The following TCF25 variants were observed in gnomAD, a reference collection of about 807,000 sequenced individuals.
TCF25 encodes the protein TCF25 ribosome quality control complex subunit.
TCF25 carries 41 observed loss-of-function variants against 83.1 expected under a neutral mutation model. The observed-to-expected ratio is 0.49, with a 90% CI of 0.38 to 0.64. The LOEUF is 0.64. Among genes scored for constraint, TCF25 ranks in the 30% least tolerant of loss-of-function variants. The pLI, the probability that TCF25 is intolerant of heterozygous loss-of-function variation, is 0.00. For missense variants in TCF25, 979 were observed against 914.5 expected, an observed-to-expected ratio of 1.07 and a Z score of -0.91; for synonymous variants, 458 against 365.0, an observed-to-expected ratio of 1.25 and a Z score of -2.90.
chr16:89,894,696 C>G (rs981370453), intron 7 of TCF25, among the ~76,000 whole-genome samples: 31 of 152,240 alleles, frequency 2.0e-4, no homozygotes, highest in African/African-American at 7.2e-4. Context: ...CGGAATCTCA[C>G]TCTGTCGCCT....
At chr16:89,908,035 CCACCTCCT>C (rs2045088841) in intron 16 of TCF25, among the ~76,000 whole-genome samples, 1 of 144,572 alleles carries the variant, frequency 6.9e-6, no homozygotes, top group African/African-American at 2.6e-5. Flanking sequence ...TTCCCAGCTC[CCACCTCCT>C]ACCTCCCAGC....
intron 12 of TCF25, chr16:89,901,168 C>T (rs1043692636): frequency 2.7e-5 from 5 of 183,562 alleles, no homozygotes; most frequent in Admixed American, 2.2e-4. Context: ...TGCTCTGCAC[C>T]ATGCTGGGAT....
At chr16:89,883,257 A>G (rs1184397929) in intron 1 of TCF25, 94 bp from the exon 2 acceptor site, 15 of 1,524,494 alleles carry the variant, frequency 9.8e-6, no homozygotes, top group Admixed American at 3.8e-5. Context: ...GGGGGTCCCC[A>G]ACGCAAGCCC....
At chr16:89,899,692 C>T (rs2044165581) in intron 11 of TCF25, among the ~76,000 whole-genome samples, 1 of 151,680 alleles carries the variant, frequency 6.6e-6, no homozygotes, top group Admixed American at 6.6e-5. Context: ...CGCGCCATTG[C>T]ACTCCAGTCT....
chr16:89,892,935 T>TCCTGCG (rs1295990921), intron 6 of TCF25, among the ~76,000 whole-genome samples: 2 of 151,772 alleles, frequency 1.3e-5, no homozygotes, highest in Non-Finnish European at 2.9e-5. Context: ...CGGCCGCTTC[T>TCCTGCG]CCTGCGCCTG....
chr16:89,894,031 C>A, intron 7 of TCF25, 173 bp downstream of exon 7: 1 of 954,768 alleles, frequency 1.0e-6, no homozygotes, highest in Non-Finnish European at 1.5e-6. Context: ...GAGATGTGTT[C>A]GGAGGCTCTA....
chr16:89,876,715 A>C (rs1008365862), intron 1 of TCF25, among the ~76,000 whole-genome samples: 1 of 151,888 alleles, frequency 6.6e-6, no homozygotes, highest in Non-Finnish European at 1.5e-5. Flanking sequence ...TCATGAGGTC[A>C]GGAGATCCAG....
At chr16:89,908,143 ACCTCCTGCCT>A (rs1198201290) in intron 16 of TCF25, among the ~76,000 whole-genome samples, 1 of 39,616 alleles carries the variant, frequency 2.5e-5, no homozygotes, top group Non-Finnish European at 4.9e-5. Flanking sequence ...CTCCCCTGCC[ACCTCCTGCCT>A]CCCTCCTCCC....
At chr16:89,884,444 G>T in intron 2 of TCF25, 138 bp from the exon 3 acceptor site, 1 of 775,678 alleles carries the variant, frequency 1.3e-6, no homozygotes. Flanking sequence ...AGAAGAGAGT[G>T]AGTTGAAGGA....
chr16:89,899,398 T>A (rs2044140253), intron 11 of TCF25, among the ~76,000 whole-genome samples: 1 of 152,180 alleles, frequency 6.6e-6, no homozygotes, highest in African/African-American at 2.4e-5. Flanking sequence ...AGATATAACG[T>A]ATTAATCTCA....
At chr16:89,909,366 C>T (rs548898030) in intron 16 of TCF25, 106 of 341,420 alleles carry the variant, frequency 3.1e-4, no homozygotes, top group African/African-American at 2.1e-3. Context: ...AAAAAATTAG[C>T]TGGGCGTGGT....
intron 1 of TCF25, among the ~76,000 whole-genome samples, chr16:89,876,527 G>C (rs1335086334): frequency 6.6e-6 from 1 of 152,144 alleles, no homozygotes; most frequent in Non-Finnish European, 1.5e-5. Context: ...GCCTCCCAAA[G>C]TGCTGGAATT....
Position 89,907,263 on chromosome 16 carries a change from G to T in TCF25, c.1740G>T (p.Val580=). 2 of 1,611,898 alleles carry T rather than the reference G, an allele frequency of 1.2e-6. No individual in the cohort carries two copies. Among genetic ancestry groups the T allele is most frequent in the East Asian group, 4.5e-5 (2 of 44,860 alleles). ...TGAAGGACGTGACCACGCAGTCTGTGATGGGGTTTGATCCTCTGCCTCCTT... is the reference window on the plus strand; with the variant it reads ...TGAAGGACGTGACCACGCAGTCTGTTATGGGGTTTGATCCTCTGCCTCCTT... ...ALPPDVTTQS[V]MGFDPLPPSD... Residue 580 remains valine, a synonymous_variant, in exon 16 of 18, where the codon GTG becomes GTT. Transcript: ENST00000263346.
chr16:89,904,484 T>C, intron 13 of TCF25: 1 of 527,792 alleles, frequency 1.9e-6, no homozygotes, highest in South Asian at 2.1e-5. Flanking sequence ...TCTCAGCTTT[T>C]TGGGAGGCCG....
At chr16:89,906,616 C>G (rs771808673) in intron 15 of TCF25, among the ~76,000 whole-genome samples, 4 of 152,172 alleles carry the variant, frequency 2.6e-5, no homozygotes, top group Non-Finnish European at 4.4e-5. Flanking sequence ...TGCTCTGACG[C>G]CTCCTGTGCT....
At chr16:89,906,059 T>C (rs567857492) in intron 14 of TCF25, 135 bp from the exon 15 acceptor site, 2 of 758,286 alleles carry the variant, frequency 2.6e-6, no homozygotes, top group East Asian at 2.7e-5. Flanking sequence ...GAGAGTAAAG[T>C]GTACAGTTTT....
intron 1 of TCF25, among the ~76,000 whole-genome samples, chr16:89,879,373 A>G (rs375012159): frequency 4.9e-4 from 59 of 121,170 alleles, no homozygotes; most frequent in African/African-American, 9.7e-4. Context: ...CTGTCCGTGT[A>G]CACAGATGGG....
chr16:89,891,722 G>A (rs942346490), intron 5 of TCF25, among the ~76,000 whole-genome samples: 3 of 152,178 alleles, frequency 2.0e-5, no homozygotes, highest in African/African-American at 7.2e-5. Flanking sequence ...ATATTAGTAC[G>A]TTGTTCTCTT....
chr16:89,876,087 G>C (rs183623968), intron 1 of TCF25, among the ~76,000 whole-genome samples: 178 of 152,174 alleles, frequency 1.2e-3, no homozygotes, highest in African/African-American at 4.2e-3. Context: ...CAGAGTAAGA[G>C]TCTGTAAGGT....
Sources: gnomAD v4.1 joint callset for allele counts (sites outside exome capture counted in the v4.1 genomes callset) on GRCh38, gnomAD v4.1.1 for gene constraint, MANE v1.5 for transcripts, NCBI Gene and HGNC (gene_info 2026-07-23, HGNC 2026-07-21) for gene names.